The following LRRC57 variants were observed in gnomAD, a reference collection of about 807,000 sequenced individuals.
The protein encoded by LRRC57 is leucine rich repeat containing 57.
Under a neutral mutation model 23.1 loss-of-function variants are expected in LRRC57, and 14 were observed. That is an observed-to-expected ratio of 0.61 (90% CI 0.40 to 0.95). The LOEUF (loss-of-function observed/expected upper bound fraction) is 0.95, where lower values mean the gene tolerates loss of function less well. Ranked by LOEUF, LRRC57 falls within the 40% of genes least tolerant of loss-of-function variation. LRRC57 has a pLI of 0.00. For missense variants in LRRC57, 236 were observed against 284.4 expected, an observed-to-expected ratio of 0.83 and a Z score of 1.22; for synonymous variants, 106 against 115.2, an observed-to-expected ratio of 0.92 and a Z score of 0.51.
At chr15:42,530,348 C>T in the LRRC57 span, among the ~76,000 whole-genome samples, 1 of 152,106 alleles carries the variant, frequency 6.6e-6, no homozygotes, top group Non-Finnish European at 1.5e-5. Context: ...AGTGGACACA[C>T]GAAATAGAGT....
At chr15:42,530,554 G>T in the LRRC57 span, among the ~76,000 whole-genome samples, 9 of 152,150 alleles carry the variant, frequency 5.9e-5, no homozygotes, top group Admixed American at 2.0e-4. Context: ...GAGCTCAGGA[G>T]TTTGAGACCA....
At chr15:42,528,951 G>C in the LRRC57 span, among the ~76,000 whole-genome samples, 1 of 152,036 alleles carries the variant, frequency 6.6e-6, no homozygotes, top group East Asian at 1.9e-4. Context: ...ATACTTTTCA[G>C]TACTTTCCAA....
chr15:42,548,695 C>G lies in LRRC57; in HGVS notation c.-25G>C, dbSNP rs1450467030. 8.0e-6 allele frequency: 5 copies of G among 625,530 alleles called. No homozygotes were observed. Among genetic ancestry groups the G allele is most frequent in the South Asian group, 2.0e-5 (1 of 50,600 alleles). 38.7% of individuals were successfully genotyped at this position (625,530 alleles called of 1,614,324 possible). On this transcript the variant is annotated splice_region_variant and 5_prime_UTR_variant, in exon 1 of 6. Transcript: ENST00000397130. Reference sequence around the variant, plus strand: ...AGATCAGGGAGCCCCGGACTCGCCTCCCACCGCTCAGCTGCCGTAAGGCTC... The same window carrying G: ...AGATCAGGGAGCCCCGGACTCGCCTGCCACCGCTCAGCTGCCGTAAGGCTC...
downstream of LRRC57, among the ~76,000 whole-genome samples, chr15:42,533,479 G>C (rs1402870218): frequency 3.3e-5 from 5 of 151,840 alleles, no homozygotes; most frequent in African/African-American, 9.7e-5. Flanking sequence ...TGAGTGGTTT[G>C]GCAGGGATGG....
rs1454551006 is a variant in LRRC57, at chr15:42,542,114, G to C, written c.*1969C>G. ...TCTATTGCCCAGGCTGGAGTTCAAT[G>C]GCACCCTCACTGCAAGCTCCGCCTC... On this transcript the variant is annotated 3_prime_UTR_variant, in exon 6 of 6. Transcript: ENST00000397130. 2 of 128,462 alleles carry C rather than the reference G, an allele frequency of 1.6e-5. No homozygotes were observed. The highest frequency in any genetic ancestry group is 3.2e-5 in the Non-Finnish European group (2 of 62,246). 8.0% of individuals were successfully genotyped at this position (128,462 alleles called of 1,614,324 possible). A position where few individuals can be genotyped will look rare whatever the true frequency, so the allele number is the denominator to read the frequency against.
intron 4 of LRRC57, 131 bp downstream of exon 4, chr15:42,547,130 G>A (rs1332029878): frequency 5.0e-6 from 5 of 1,006,328 alleles, no homozygotes; most frequent in Non-Finnish European, 7.2e-6. Context: ...TCAGCCTATA[G>A]AAGAAACCTC....
chr15:42,537,254 C>CACACACACACACACACACACACAT (rs796745969), downstream of LRRC57, among the ~76,000 whole-genome samples: 1 of 151,364 alleles, frequency 6.6e-6, no homozygotes, highest in African/African-American at 2.4e-5. Flanking sequence ...CACACACACA[C>CACACACACACACACACACACACAT]ACACACACAC....
rs896044755 is a variant in LRRC57 at position 42,538,126 on chromosome 15, C to G, written c.*5957G>C. On this transcript the variant is annotated 3_prime_UTR_variant, in exon 6 of 6. Transcript: ENST00000397130. ...TATCCTGACTTGATCATTATACATTCTATGCATGTCTCAGAATATCACAAG... is the reference window on the plus strand; with the variant it reads ...TATCCTGACTTGATCATTATACATTGTATGCATGTCTCAGAATATCACAAG... 2 of 152,114 alleles carry G rather than the reference C, an allele frequency of 1.3e-5. No homozygotes were observed. Among genetic ancestry groups the G allele is most frequent in the African/African-American group, 4.8e-5 (2 of 41,418 alleles). 9.4% of individuals were successfully genotyped at this position (152,114 alleles called of 1,614,324 possible). A position where few individuals can be genotyped will look rare whatever the true frequency, so the allele number is the denominator to read the frequency against.
chr15:42,544,120 A>G lies in LRRC57; in HGVS notation c.683T>C (p.Met228Thr), dbSNP rs2141578147. ...CTTCTTGGTGGCTGTGAACCTCTCC[A>G]TGTACTAAAAAACATGAAAGAATAC... ...LRELEGYDKY[M>T]ERFTATKKKF... Residue 228 changes from methionine to threonine, a missense_variant, in exon 6 of 6, where the codon ATG (methionine) becomes ACG (threonine). Coordinates refer to ENST00000397130, the MANE Select transcript of LRRC57 (RefSeq NM_153260.3). 6.2e-7 allele frequency: 1 copy of G among 1,611,660 alleles called. No individual in the cohort carries two copies. Among genetic ancestry groups the G allele is most frequent in the South Asian group, 1.1e-5 (1 of 90,916 alleles).
In LRRC57 at chr15:42,548,781, G is replaced by A. The variant is rs1352245418; in HGVS notation, c.-111C>T. 4.3e-6 allele frequency: 4 copies of A among 923,052 alleles called. No individual in the cohort carries two copies. The highest frequency in any genetic ancestry group is 6.6e-6 in the Non-Finnish European group (4 of 606,374). The allele number at this position is 923,052 out of a possible 1,614,324, so 57.2% of individuals were successfully genotyped here. ...TGCGCTCCCCGGCTTAGTCCCGGGC[G>A]GGAACGCCCTGTGACGTCATCGAGC... On this transcript the variant is annotated 5_prime_UTR_variant, in exon 1 of 6. Coordinates refer to ENST00000397130, the MANE Select transcript of LRRC57 (RefSeq NM_153260.3).
In LRRC57 at chr15:42,545,267, T is replaced by G. The variant is rs1335944498; in HGVS notation, c.493-5A>C. ...CTTCACTGAGATCTGAGATATCTAT[T>G]GAAAAACCACAAAAGAATAACAGGA... On this transcript the variant is annotated splice_region_variant and splice_polypyrimidine_tract_variant and intron_variant, in intron 4 of 5. Transcript: ENST00000397130. 8 of 1,553,522 alleles carry G rather than the reference T, an allele frequency of 5.1e-6. No individual in the cohort carries two copies. In the South Asian group the frequency reaches 8.5e-5, roughly 16 times the overall value.
downstream of LRRC57, among the ~76,000 whole-genome samples, chr15:42,537,231 T>TCACACACACACACACA (rs777117722): frequency 1.7e-4 from 22 of 132,080 alleles, no homozygotes; most frequent in African/African-American, 7.2e-4. Flanking sequence ...TCTCTCTCTC[T>TCACACACACACACACA]CTCACACACA....
chr15:42,537,233 TCACACACACA>T (rs71108166), downstream of LRRC57, among the ~76,000 whole-genome samples: 2 of 136,504 alleles, frequency 1.5e-5, no homozygotes, highest in South Asian at 2.3e-4. Flanking sequence ...TCTCTCTCTC[TCACACACACA>T]CACACACACA....
downstream of LRRC57, among the ~76,000 whole-genome samples, chr15:42,535,412 C>T (rs879227502): frequency 2.6e-5 from 4 of 151,780 alleles, no homozygotes; most frequent in Admixed American, 6.6e-5. Flanking sequence ...CTTGGTTAAC[C>T]GGCGTAAGAG....
downstream of LRRC57, among the ~76,000 whole-genome samples, chr15:42,535,058 T>C (rs1222083235): frequency 6.6e-6 from 1 of 152,258 alleles, no homozygotes; most frequent in Non-Finnish European, 1.5e-5. Context: ...AAGCTAGGCA[T>C]TGACTTCTCT....
rs1484623621 is a variant in LRRC57, at chr15:42,544,838, C to CT, written c.678+238_678+239insA. Among the ~76,000 whole-genome samples the CT allele has an allele frequency of 1.7e-4, 19 of 109,294 alleles. No homozygotes were observed. The South Asian group carries it at 2.8e-3, about 16-fold the overall frequency. 71.7% of individuals were successfully genotyped at this position (109,294 alleles called of 152,430 possible). On this transcript the variant is annotated intron_variant, in intron 5 of 5. Coordinates refer to ENST00000397130, the MANE Select transcript of LRRC57 (RefSeq NM_153260.3). ...TCTCACACACACACACACACACACA[C>CT]ACACTATATATATATATATATCAAA... is the stretch of plus-strand genomic sequence containing the variant.
rs61281988 is a variant in LRRC57 at position 42,539,498 on chromosome 15, A to AAAAAAAAAG, written c.*4584_*4585insCTTTTTTTT. 1 of 148,944 alleles carries AAAAAAAAAG rather than the reference A, an allele frequency of 6.7e-6. No homozygotes were observed. The highest frequency in any genetic ancestry group is 1.5e-5 in the Non-Finnish European group (1 of 67,260). 9.2% of individuals were successfully genotyped at this position (148,944 alleles called of 1,614,324 possible). On this transcript the variant is annotated 3_prime_UTR_variant, in exon 6 of 6. Coordinates refer to ENST00000397130, the MANE Select transcript of LRRC57 (RefSeq NM_153260.3). Reference sequence around the variant, plus strand: ...GTCTCAAAAAAAAAAAAAAAAAAAAAGAGACTTAAAAGCCAGGCAGTGGCT... The same window carrying AAAAAAAAAG: ...GTCTCAAAAAAAAAAAAAAAAAAAAAAAAAAAAAGGAGACTTAAAAGCCAGGCAGTGGCT...
the LRRC57 span, among the ~76,000 whole-genome samples, chr15:42,531,162 T>C: frequency 2.6e-5 from 4 of 152,216 alleles, no homozygotes; most frequent in East Asian, 7.7e-4. Context: ...TGTTAAACTA[T>C]GAAAAAATGC....
intron 3 of LRRC57, 60 bp downstream of exon 3, chr15:42,548,046 A>G: frequency 6.3e-7 from 1 of 1,584,022 alleles, no homozygotes; most frequent in Non-Finnish European, 8.6e-7. Context: ...AGCTTGTAAG[A>G]GAAAACCACC....
Sources: gnomAD v4.1 joint callset for allele counts (sites outside exome capture counted in the v4.1 genomes callset) on GRCh38, gnomAD v4.1.1 for gene constraint, MANE v1.5 for transcripts, NCBI Gene and HGNC (gene_info 2026-07-23, HGNC 2026-07-21) for gene names.